The following DMD variants were observed in gnomAD, a reference collection of about 807,000 sequenced individuals.
DMD encodes dystrophin, also known as mutant dystrophin.
DMD carries 63 observed loss-of-function variants against 330.1 expected under a neutral mutation model. The ratio of observed to expected loss-of-function variants is 0.19; its 90% CI spans 0.16 to 0.24. DMD has a LOEUF of 0.24. Ranked by LOEUF, DMD falls within the 10% of genes least tolerant of loss-of-function variation. The pLI is 1.00. For synonymous variants in DMD, 1,223 were observed against 959.8 expected (o/e 1.27, Z -5.07); for missense variants, 3,344 against 2,684.1 (o/e 1.25, Z -5.43).
chrX:31,594,460 T>C (rs1435014864), intron 55 of DMD, among the ~76,000 whole-genome samples: 1 of 111,691 alleles, frequency 9.0e-6, no homozygotes, highest in East Asian at 2.8e-4. Context: ...TTGTGATGCT[T>C]TCTGAATCAT....
At chrX:31,998,217 C>T (rs1207338689) in intron 44 of DMD, among the ~76,000 whole-genome samples, 1 of 112,082 alleles carries the variant, frequency 8.9e-6, no homozygotes, top group Non-Finnish European at 1.9e-5. Context: ...CAGTTAAAAA[C>T]ACAAAAACTA....
chrX:32,549,938 C>T (rs1420137690), intron 16 of DMD, among the ~76,000 whole-genome samples: 1 of 112,561 alleles, frequency 8.9e-6, no homozygotes, highest in African/African-American at 3.2e-5. Context: ...TTTTCTACCA[C>T]TGTCTCCAGT....
rs763308879 is a variant in DMD, at chrX:32,627,819, T to C, written c.1332-13366A>G. On this transcript the variant is annotated intron_variant, in intron 11 of 78. Transcript: ENST00000357033. ...TTTATTATTTTCACCAAAACGAAAA[T>C]TACAGTTGTTACTCTTGAGACAATT... 3.6e-5 allele frequency among the ~76,000 whole-genome samples: 4 copies of C among 111,678 alleles called. No homozygotes were observed. In the South Asian group the frequency reaches 1.5e-3, roughly 42 times the overall value.
intron 45 of DMD, among the ~76,000 whole-genome samples, chrX:31,966,418 G>A (rs1218610529): frequency 9.1e-6 from 1 of 109,948 alleles, no homozygotes; most frequent in Non-Finnish European, 1.9e-5. Context: ...GAGGAAGTAT[G>A]CCACAAAAGT....
At chrX:33,240,843 C>T (rs984502032) in intron 1 of DMD, among the ~76,000 whole-genome samples, 1 of 111,875 alleles carries the variant, frequency 8.9e-6, no homozygotes, top group African/African-American at 3.2e-5. Context: ...TTCCTGTTGG[C>T]TATGTGAATG....
At chrX:32,847,101 A>G (rs1046148237) in intron 3 of DMD, among the ~76,000 whole-genome samples, 1 of 112,282 alleles carries the variant, frequency 8.9e-6, no homozygotes, top group Non-Finnish European at 1.9e-5. Context: ...TAATTATAGG[A>G]CTTTAAAGTT....
At chrX:32,573,492 G>A (rs1407905477) in intron 15 of DMD, 38 bp downstream of exon 15, 1 of 1,047,667 alleles carries the variant, frequency 9.5e-7, no homozygotes, top group African/African-American at 1.8e-5. Flanking sequence ...TACAGTACTG[G>A]GTTTTTATAA....
At chrX:32,789,658 A>G (rs766432493) in intron 7 of DMD, among the ~76,000 whole-genome samples, 77 of 112,120 alleles carry the variant, frequency 6.9e-4, no homozygotes, top group African/African-American at 2.4e-3. Flanking sequence ...TCTTGATTTT[A>G]ATAAAGCTCT....
At chrX:31,867,077 A>G (rs1357591868) in intron 48 of DMD, among the ~76,000 whole-genome samples, 1 of 86,836 alleles carries the variant, frequency 1.2e-5, no homozygotes, top group African/African-American at 4.6e-5. Flanking sequence ...ATACTTAAGT[A>G]TGCAACATAT....
At chrX:32,393,274 G>T (rs1259156244) in intron 30 of DMD, among the ~76,000 whole-genome samples, 1 of 111,137 alleles carries the variant, frequency 9.0e-6, no homozygotes, top group East Asian at 2.8e-4. Flanking sequence ...TATAGGAGTT[G>T]TAAAAACAAA....
chrX:31,188,342 C>T (rs2042013369), intron 67 of DMD, among the ~76,000 whole-genome samples: 1 of 111,894 alleles, frequency 8.9e-6, no homozygotes, highest in Non-Finnish European at 1.9e-5. Context: ...AATTACATTT[C>T]GATCATTCCA....
intron 60 of DMD, among the ~76,000 whole-genome samples, chrX:31,368,668 CAG>C (rs1281109566): frequency 9.2e-5 from 10 of 108,527 alleles, no homozygotes; most frequent in African/African-American, 3.0e-4. Flanking sequence ...TTTTTTGAGA[CAG>C]AGTCTTGCTC....
intron 47 of DMD, among the ~76,000 whole-genome samples, chrX:31,895,209 G>A (rs1018669967): frequency 2.7e-5 from 3 of 111,683 alleles, no homozygotes; most frequent in Non-Finnish European, 5.7e-5. Context: ...AGGCAGGAGA[G>A]AAGGATGATT....
At chrX:31,187,446 C>A (rs975579348) in intron 67 of DMD, among the ~76,000 whole-genome samples, 1 of 111,493 alleles carries the variant, frequency 9.0e-6, no homozygotes, top group Admixed American at 9.6e-5. Flanking sequence ...TCTATTTCTC[C>A]AGACAGTGTA....
chrX:32,098,285 T>C (rs1157488983), intron 44 of DMD, among the ~76,000 whole-genome samples: 1 of 111,709 alleles, frequency 9.0e-6, no homozygotes, highest in Non-Finnish European at 1.9e-5. Flanking sequence ...CAATAAAGCA[T>C]AATTTCTGGC....
At chrX:32,769,054 CA>C (rs912614108) in intron 7 of DMD, among the ~76,000 whole-genome samples, 1 of 110,706 alleles carries the variant, frequency 9.0e-6, no homozygotes, top group Non-Finnish European at 1.9e-5. Flanking sequence ...TATGAAAAAA[CA>C]AAAAAACAAA....
chrX:32,107,838 A>T (rs2096571956), intron 44 of DMD, among the ~76,000 whole-genome samples: 1 of 111,382 alleles, frequency 9.0e-6, no homozygotes, highest in Non-Finnish European at 1.9e-5. Flanking sequence ...ATTAACCATT[A>T]CGGGCAGTGT....
rs147737861 is a variant in DMD, at chrX:32,368,935, G to T, written c.4846-3736C>A. ...GTGATTGCTGCTAGGATCGATTTTAGGGCTGAAGAAAAAGCAAGATTGTGT... is the reference window on the plus strand; with the variant it reads ...GTGATTGCTGCTAGGATCGATTTTATGGCTGAAGAAAAAGCAAGATTGTGT... On this transcript the variant is annotated intron_variant, in intron 34 of 78. Transcript: ENST00000357033. Among the ~76,000 whole-genome samples the T allele has an allele frequency of 4.5e-3, 502 of 111,065 alleles. 4 individuals carry two copies. Among genetic ancestry groups the T allele is most frequent in the African/African-American group, 0.015 (471 of 30,594 alleles).
intron 45 of DMD, among the ~76,000 whole-genome samples, chrX:31,943,889 GAGAGA>G (rs1569519589): frequency 8.3e-4 from 50 of 60,109 alleles, no homozygotes; most frequent in African/African-American, 3.4e-3. Flanking sequence ...GAGAGAGAGA[GAGAGA>G]GAGAGAGAGA....
Sources: gnomAD v4.1 joint callset for allele counts (sites outside exome capture counted in the v4.1 genomes callset) on GRCh38, gnomAD v4.1.1 for gene constraint, MANE v1.5 for transcripts, NCBI Gene and HGNC (gene_info 2026-07-23, HGNC 2026-07-21) for gene names.